The following RAI14 variants were observed in gnomAD, a reference collection of about 807,000 sequenced individuals.
RAI14 encodes the protein retinoic acid induced 14, also known as ankycorbin.
A neutral mutation model predicts 115.4 loss-of-function variants in RAI14; 45 were observed. That is an observed-to-expected ratio of 0.39 (90% CI 0.31 to 0.50). The LOEUF (loss-of-function observed/expected upper bound fraction) is 0.50. Ranked by LOEUF, RAI14 falls within the 20% of genes least tolerant of loss-of-function variation. The pLI, the probability that RAI14 is intolerant of heterozygous loss-of-function variation, is 0.85. For missense variants in RAI14, 939 were observed against 1,131.2 expected (o/e 0.83, Z 2.44); for synonymous variants, 371 against 415.4 (o/e 0.89, Z 1.30).
At chr5:34,693,665 CAG>C (rs1738899321) in intron 2 of RAI14, among the ~76,000 whole-genome samples, 1 of 152,198 alleles carries the variant, frequency 6.6e-6, no homozygotes, top group Admixed American at 6.5e-5. Flanking sequence ...TGGTAAATAA[CAG>C]AGAGATGGTA....
intron 8 of RAI14, among the ~76,000 whole-genome samples, chr5:34,811,361 A>T (rs1330243092): frequency 6.6e-6 from 1 of 152,178 alleles, no homozygotes; most frequent in African/African-American, 2.4e-5. Flanking sequence ...TGCTAATGTG[A>T]ATAAACAATT....
intron 3 of RAI14, among the ~76,000 whole-genome samples, chr5:34,785,022 A>G (rs1301219082): frequency 6.6e-6 from 1 of 152,230 alleles, no homozygotes; most frequent in Non-Finnish European, 1.5e-5. Flanking sequence ...TTAATGGCTC[A>G]TAAATCAGTT....
intron 3 of RAI14, among the ~76,000 whole-genome samples, chr5:34,764,892 G>A (rs1233910498): frequency 2.6e-5 from 4 of 152,120 alleles, no homozygotes; most frequent in Admixed American, 6.6e-5. Context: ...ATCTTGAATT[G>A]TACTCCCATA....
intron 1 of RAI14, among the ~76,000 whole-genome samples, chr5:34,683,812 C>G (rs1455203442): frequency 6.6e-6 from 1 of 152,016 alleles, no homozygotes; most frequent in Non-Finnish European, 1.5e-5. Context: ...ACTGCAAGCT[C>G]CGCCTCCCGG....
intron 2 of RAI14, among the ~76,000 whole-genome samples, chr5:34,709,048 T>G (rs1471778459): frequency 1.3e-5 from 2 of 150,002 alleles, no homozygotes; most frequent in African/African-American, 4.9e-5. Flanking sequence ...GAGGAATGCT[T>G]GAGCCCAGGA....
At chr5:34,746,238 T>A (rs1234338909) in intron 2 of RAI14, among the ~76,000 whole-genome samples, 2 of 151,774 alleles carry the variant, frequency 1.3e-5, no homozygotes, top group African/African-American at 2.4e-5. Flanking sequence ...GCCAAGTAGC[T>A]GGGACTACAG....
At chr5:34,785,408 G>A (rs1752174762) in intron 3 of RAI14, among the ~76,000 whole-genome samples, 1 of 152,098 alleles carries the variant, frequency 6.6e-6, no homozygotes, top group Non-Finnish European at 1.5e-5. Flanking sequence ...TCTGGAATCA[G>A]AACTTGTACT....
intron 13 of RAI14, among the ~76,000 whole-genome samples, chr5:34,821,024 A>T (rs1756769686): frequency 1.3e-5 from 2 of 152,226 alleles, no homozygotes; most frequent in African/African-American, 4.8e-5. Flanking sequence ...GAGAATGTAG[A>T]GGGTGTGATG....
At chr5:34,689,829 C>T (rs1003018753) in intron 2 of RAI14, among the ~76,000 whole-genome samples, 5 of 152,136 alleles carry the variant, frequency 3.3e-5, no homozygotes, top group African/African-American at 9.7e-5. Context: ...CAAGAGATCA[C>T]GCCATTGCAC....
At chr5:34,693,843 C>G (rs901134320) in intron 2 of RAI14, among the ~76,000 whole-genome samples, 11 of 152,190 alleles carry the variant, frequency 7.2e-5, no homozygotes, top group Non-Finnish European at 1.2e-4. Context: ...TTTTACATCA[C>G]CACAAGTCCA....
At chr5:34,721,782 C>T (rs1742787601) in intron 2 of RAI14, among the ~76,000 whole-genome samples, 1 of 152,122 alleles carries the variant, frequency 6.6e-6, no homozygotes, top group Non-Finnish European at 1.5e-5. Context: ...GGAATCTATG[C>T]TCACTGCAGC....
chr5:34,659,000 C>A (rs1469058349), intron 1 of RAI14: 3 of 152,036 alleles, frequency 2.0e-5, no homozygotes, highest in African/African-American at 7.2e-5. Flanking sequence ...CCTCAGGTAA[C>A]CTCTAATGTG....
At chr5:34,750,013 G>A (rs1746781115) in intron 2 of RAI14, among the ~76,000 whole-genome samples, 1 of 152,186 alleles carries the variant, frequency 6.6e-6, no homozygotes. Context: ...GTCCTAAATT[G>A]TAAATATTAA....
At chr5:34,688,302 G>T in intron 2 of RAI14, 2 of 1,461,116 alleles carry the variant, frequency 1.4e-6, no homozygotes, top group South Asian at 2.5e-5. Context: ...TCTAAATTTT[G>T]TGACCAGGTT....
At chr5:34,796,984 T>G (rs1274679066) in intron 4 of RAI14, among the ~76,000 whole-genome samples, 1 of 152,144 alleles carries the variant, frequency 6.6e-6, no homozygotes, top group African/African-American at 2.4e-5. Flanking sequence ...TGACAAAAGA[T>G]GAACAAGGCA....
rs987471024 is a variant in RAI14 at position 34,827,539 on chromosome 5, G to A, written c.2799+1060G>A. ...AGAACATGGATTTGATGATTTCTTC[G>A]GAATAGACCTAACTGTAGTGAATTC... On this transcript the variant is annotated intron_variant, in intron 16 of 17. Transcript: ENST00000265109. The surrounding 1 kb of genome is among the most constrained non-coding windows in gnomAD (Gnocchi z 4.2). Among the ~76,000 whole-genome samples the A allele has an allele frequency of 9.2e-4, 140 of 152,184 alleles. No homozygotes were observed. The highest frequency in any genetic ancestry group is 3.3e-3 in the African/African-American group (138 of 41,538).
At chr5:34,686,817 C>A in intron 1 of RAI14, 55 bp from the exon 2 acceptor site, 2 of 1,189,010 alleles carry the variant, frequency 1.7e-6, no homozygotes, top group South Asian at 1.4e-5. Context: ...GTAATCCAAT[C>A]AGGAGAGAAT....
chr5:34,779,216 T>C (rs1751289055), intron 3 of RAI14, among the ~76,000 whole-genome samples: 3 of 152,146 alleles, frequency 2.0e-5, no homozygotes, highest in Non-Finnish European at 2.9e-5. Context: ...ATTGATGGGA[T>C]GTATCTCAAA....
intron 2 of RAI14, among the ~76,000 whole-genome samples, chr5:34,698,687 C>T (rs1448836144): frequency 6.6e-6 from 1 of 152,084 alleles, no homozygotes; most frequent in Non-Finnish European, 1.5e-5. Flanking sequence ...GGGCAAATAA[C>T]AGAAAATCAA....
Sources: gnomAD v4.1 joint callset for allele counts (sites outside exome capture counted in the v4.1 genomes callset) on GRCh38, gnomAD v4.1.1 for gene constraint, Gnocchi (gnomAD v3.1) non-coding constraint, MANE v1.5 for transcripts, NCBI Gene and HGNC (gene_info 2026-07-23, HGNC 2026-07-21) for gene names.